The following PDE4D variants were observed in gnomAD, a reference collection of about 807,000 sequenced individuals.
The protein encoded by PDE4D is phosphodiesterase 4D.
In PDE4D, 24 loss-of-function variants were observed where a neutral mutation model predicts 87.4. The observed-to-expected ratio is 0.27, with a 90% confidence interval of 0.20 to 0.39. The LOEUF (loss-of-function observed/expected upper bound fraction) is 0.39, where lower values mean the gene tolerates loss of function less well. Ranked by LOEUF, PDE4D falls within the 10% of genes least tolerant of loss-of-function variation. The pLI is 1.00. For synonymous variants in PDE4D, 384 were observed against 383.2 expected, an observed-to-expected ratio of 1.00 and a Z score of -0.02; for missense variants, 714 against 1,041.0, an observed-to-expected ratio of 0.69 and a Z score of 4.32.
upstream of PDE4D, among the ~76,000 whole-genome samples, chr5:59,896,972 C>T (rs1412450063): frequency 1.3e-5 from 2 of 152,176 alleles, no homozygotes; most frequent in Non-Finnish European, 2.9e-5. Context: ...AATAAATTAT[C>T]CATTCTTTTT....
chr5:59,615,394 A>G (rs999360124), intron 1 of PDE4D, among the ~76,000 whole-genome samples: 1 of 152,156 alleles, frequency 6.6e-6, no homozygotes, highest in Non-Finnish European at 1.5e-5. Flanking sequence ...TAGCCATTCA[A>G]TATCTCCCTA....
intron 1 of PDE4D, among the ~76,000 whole-genome samples, chr5:59,422,448 G>T (rs1382760418): frequency 1.3e-5 from 2 of 152,072 alleles, no homozygotes; most frequent in Non-Finnish European, 2.9e-5. Flanking sequence ...GCCTTTGAAA[G>T]GTGCCATCCT....
chr5:59,158,846 C>A (rs948330675), intron 5 of PDE4D, among the ~76,000 whole-genome samples: 1 of 152,164 alleles, frequency 6.6e-6, no homozygotes, highest in African/African-American at 2.4e-5. Flanking sequence ...AAGCCCAGTG[C>A]CAGAGGCAAA....
intron 3 of PDE4D, among the ~76,000 whole-genome samples, chr5:59,189,221 G>A (rs1186796704): frequency 7.4e-6 from 1 of 135,416 alleles, no homozygotes; most frequent in Non-Finnish European, 1.6e-5. Flanking sequence ...AGATGTAGTT[G>A]TTCCTACCCC....
chr5:59,682,695 A>G (rs1051717401), intron 1 of PDE4D, among the ~76,000 whole-genome samples: 2 of 152,134 alleles, frequency 1.3e-5, no homozygotes, highest in Non-Finnish European at 2.9e-5. Context: ...GCTATTTATG[A>G]GCTAGAAAGC....
At chr5:59,447,134 T>A (rs536042443) in intron 1 of PDE4D, among the ~76,000 whole-genome samples, 2 of 152,206 alleles carry the variant, frequency 1.3e-5, no homozygotes, top group Non-Finnish European at 2.9e-5. Context: ...GTGGCCAAGA[T>A]TGATGTTATG....
chr5:59,549,991 G>C (rs757015528), intron 1 of PDE4D, among the ~76,000 whole-genome samples: 1 of 151,540 alleles, frequency 6.6e-6, no homozygotes, highest in Non-Finnish European at 1.5e-5. Flanking sequence ...ATGAAGAAAC[G>C]AAGTGTCACA....
chr5:59,750,958 A>G lies in PDE4D; in HGVS notation c.455+142210T>C, dbSNP rs892769264. ...AAGACCCTGTCTCAAAAAAAAAAAA[A>G]AAAAAAAAAAGTATGCCCCAATGTA... On this transcript the variant is annotated intron_variant, in intron 1 of 14. Coordinates refer to ENST00000340635, the MANE Select transcript of PDE4D (RefSeq NM_001104631.2). Among the ~76,000 whole-genome samples, 5 of 151,732 alleles carry G rather than the reference A, an allele frequency of 3.3e-5. No homozygotes were observed. In the South Asian group the frequency reaches 8.3e-4, roughly 25 times the overall value.
At chr5:59,596,996 C>T (rs997375995) in intron 1 of PDE4D, among the ~76,000 whole-genome samples, 6 of 152,096 alleles carry the variant, frequency 3.9e-5, no homozygotes, top group African/African-American at 1.4e-4. Flanking sequence ...AAAAAGAAAT[C>T]GGTGATTGTA....
chr5:59,182,000 T>G (rs1036879701), intron 4 of PDE4D, among the ~76,000 whole-genome samples: 2 of 152,148 alleles, frequency 1.3e-5, no homozygotes, highest in Non-Finnish European at 2.9e-5. Context: ...TTCTCACTGG[T>G]TCCACTCAGC....
At chr5:60,397,472 T>C (rs1233161692) in intron 1 of PDE4D, among the ~76,000 whole-genome samples, 1 of 152,178 alleles carries the variant, frequency 6.6e-6, no homozygotes, top group Non-Finnish European at 1.5e-5. Context: ...AAGAAGGAAA[T>C]CATGTCATGT....
chr5:59,466,570 A>T lies in PDE4D; in HGVS notation c.456-250602T>A, dbSNP rs147359929. Among the ~76,000 whole-genome samples the T allele has an allele frequency of 5.9e-3, 892 of 152,270 alleles. 3 individuals are homozygous for T. Among genetic ancestry groups the T allele is most frequent in the Non-Finnish European group, 8.8e-3 (601 of 68,004 alleles). ...TTCATTTGACCACTGCCTGACTCAA[A>T]CCTCTGCTACTGTTTTTTTCTGTCC... On this transcript the variant is annotated intron_variant, in intron 1 of 14. Coordinates refer to ENST00000340635, the MANE Select transcript of PDE4D (RefSeq NM_001104631.2).
upstream of PDE4D, among the ~76,000 whole-genome samples, chr5:59,895,580 T>C (rs1336827968): frequency 6.6e-6 from 1 of 152,216 alleles, no homozygotes; most frequent in Non-Finnish European, 1.5e-5. Flanking sequence ...TAAGCCAGTA[T>C]TTTCCCAAAC....
rs371818632 is a variant in PDE4D, at chr5:59,185,279, T to C, written c.685-17A>G. The C allele has an allele frequency of 6.9e-5, 108 of 1,572,974 alleles. No individual in the cohort carries two copies. Among genetic ancestry groups the C allele is most frequent in the Non-Finnish European group, 9.0e-5 (104 of 1,150,708 alleles). On this transcript the variant is annotated splice_polypyrimidine_tract_variant and intron_variant, in intron 3 of 14. Transcript: ENST00000340635. Reference sequence around the variant, plus strand: ...GGCCAAGACCTACAACAAGAAAGGATTCTTGAAACTTCTTGAGCTAAGGCC... The same window carrying C: ...GGCCAAGACCTACAACAAGAAAGGACTCTTGAAACTTCTTGAGCTAAGGCC...
chr5:59,524,104 A>G (rs1177054585), intron 1 of PDE4D, among the ~76,000 whole-genome samples: 4 of 152,188 alleles, frequency 2.6e-5, no homozygotes, highest in Non-Finnish European at 5.9e-5. Context: ...ACTACTGCAG[A>G]TACCTGAAAA....
chr5:59,898,837 G>A lies in PDE4D; in HGVS notation c.272+89651C>T, dbSNP rs1348470454. Among the ~76,000 whole-genome samples the A allele has an allele frequency of 2.0e-5, 3 of 152,126 alleles. No homozygotes were observed. In the East Asian group the frequency reaches 5.8e-4, roughly 29 times the overall value. ...TATCAAAAGGACCCCCTTCTGAGTGGAGCAGGTTTTAAAGTTGATGAGTAG... is the reference window on the plus strand; with the variant it reads ...TATCAAAAGGACCCCCTTCTGAGTGAAGCAGGTTTTAAAGTTGATGAGTAG... On this transcript the variant is annotated intron_variant, in intron 3 of 16. Coordinates refer to the PDE4D transcript ENST00000502484.
At chr5:59,388,126 A>C (rs1787468299) in intron 1 of PDE4D, among the ~76,000 whole-genome samples, 1 of 152,166 alleles carries the variant, frequency 6.6e-6, no homozygotes, top group Admixed American at 6.5e-5. Flanking sequence ...CAGGATTTCC[A>C]AAATATATAA....
At chr5:59,326,032 C>A (rs542751889) in intron 1 of PDE4D, among the ~76,000 whole-genome samples, 12 of 152,134 alleles carry the variant, frequency 7.9e-5, no homozygotes, top group African/African-American at 2.9e-4. Context: ...AAACCAAACA[C>A]CGCATGTTCT....
At chr5:60,029,231 TG>T (rs2152858244) in intron 2 of PDE4D, among the ~76,000 whole-genome samples, 2 of 152,288 alleles carry the variant, frequency 1.3e-5, no homozygotes, top group African/African-American at 4.8e-5. Flanking sequence ...AAATAAATCT[TG>T]GGGCCCCCAA....
Sources: allele counts gnomAD v4.1 joint callset (sites outside exome capture counted in the v4.1 genomes callset), GRCh38; gene constraint gnomAD v4.1.1; transcripts MANE v1.5; gene names NCBI Gene and HGNC (gene_info 2026-07-23, HGNC 2026-07-21).